SEMA3C: variants seen among roughly 807,000 people sequenced by gnomAD.
The protein encoded by SEMA3C is semaphorin-3C.
SEMA3C carries 47 observed loss-of-function variants against 89.4 expected under a neutral mutation model. The observed-to-expected ratio is 0.53, with a 90% confidence interval of 0.42 to 0.67. The LOEUF (loss-of-function observed/expected upper bound fraction) is 0.67, where lower values mean the gene tolerates loss of function less well. Ranked by LOEUF, SEMA3C falls within the 30% of genes least tolerant of loss-of-function variation. The probability of loss-of-function intolerance (pLI) is 0.00; values close to 1 mark genes in which losing one functional copy is unlikely to be tolerated. For synonymous variants in SEMA3C, 310 were observed against 320.2 expected, an observed-to-expected ratio of 0.97 and a Z score of 0.34; for missense variants, 839 against 929.1, an observed-to-expected ratio of 0.90 and a Z score of 1.26.
intron 2 of SEMA3C, among the ~76,000 whole-genome samples, chr7:80,894,632 T>A (rs1791691684): frequency 6.6e-6 from 1 of 152,220 alleles, no homozygotes. Flanking sequence ...TTTCTTTGGA[T>A]GCTAAGAGCA....
chr7:80,814,128 G>A (rs1432115322), intron 5 of SEMA3C, among the ~76,000 whole-genome samples: 2 of 135,026 alleles, frequency 1.5e-5, no homozygotes, highest in South Asian at 2.3e-4. Context: ...TCGCTCTGTC[G>A]CCCAGGCTGG....
chr7:80,762,774 C>T lies in SEMA3C; in HGVS notation c.1444-1117G>A, dbSNP rs527814650. 5.1e-4 allele frequency among the ~76,000 whole-genome samples: 77 copies of T among 152,104 alleles called. 1 individual carries two copies. The highest frequency in any genetic ancestry group is 1.6e-3 in the African/African-American group (66 of 41,474). On this transcript the variant is annotated intron_variant, in intron 13 of 17. Transcript: ENST00000265361. ...GTTGCAGTGAGCCAAGACTGTGCCA[C>T]GGCACTCCAGCCTGGGTAACAAGAG...
At chr7:80,907,066 G>GA (rs562967644) in intron 2 of SEMA3C, among the ~76,000 whole-genome samples, 102 of 152,064 alleles carry the variant, frequency 6.7e-4, no homozygotes, top group African/African-American at 2.2e-3. Flanking sequence ...AGTTTCCTCT[G>GA]AAAAAATGTA....
At chr7:80,841,784 C>A (rs1790275341) in intron 2 of SEMA3C, among the ~76,000 whole-genome samples, 1 of 152,196 alleles carries the variant, frequency 6.6e-6, no homozygotes, top group Non-Finnish European at 1.5e-5. Context: ...TACCATAAAA[C>A]CTCAAATTTA....
chr7:80,780,152 C>T (rs969989725), intron 12 of SEMA3C, among the ~76,000 whole-genome samples: 3 of 152,164 alleles, frequency 2.0e-5, no homozygotes, highest in Admixed American at 2.0e-4. Context: ...ACTTGTTATA[C>T]AGCAATAGAA....
chr7:80,745,438 C>T lies in SEMA3C; in HGVS notation c.1843-131G>A. 3 of 852,910 alleles carry T rather than the reference C, an allele frequency of 3.5e-6. No homozygotes were observed. The East Asian group carries it at 8.0e-5, about 23-fold the overall frequency. 52.8% of individuals were successfully genotyped at this position (852,910 alleles called of 1,614,324 possible). ...GTATTGAGCACTACTTAGCATCCTTCTCAGTGGACATGAAATTTTGGTCAG... is the reference window on the plus strand; with the variant it reads ...GTATTGAGCACTACTTAGCATCCTTTTCAGTGGACATGAAATTTTGGTCAG... On this transcript the variant is annotated intron_variant, in intron 17 of 17. Coordinates refer to ENST00000265361, the MANE Select transcript of SEMA3C (RefSeq NM_006379.5).
chr7:80,746,443 A>T (rs945099256), intron 17 of SEMA3C, among the ~76,000 whole-genome samples: 1 of 152,072 alleles, frequency 6.6e-6, no homozygotes, highest in African/African-American at 2.4e-5. Context: ...TAAAGAAAGA[A>T]GAAATTTTAT....
At chr7:80,853,963 G>A (rs1790576277) in intron 2 of SEMA3C, among the ~76,000 whole-genome samples, 1 of 150,824 alleles carries the variant, frequency 6.6e-6, no homozygotes, top group Admixed American at 6.6e-5. Context: ...TAAAAAAAAT[G>A]TAAAAAGGAG....
intron 2 of SEMA3C, among the ~76,000 whole-genome samples, chr7:80,886,267 A>G (rs1231200193): frequency 6.6e-6 from 1 of 152,148 alleles, no homozygotes; most frequent in East Asian, 1.9e-4. Context: ...TTGGTATAAT[A>G]AATATATACC....
chr7:80,865,058 A>G (rs1790893399), intron 2 of SEMA3C, among the ~76,000 whole-genome samples: 1 of 152,148 alleles, frequency 6.6e-6, no homozygotes, highest in African/African-American at 2.4e-5. Flanking sequence ...TTACTAACCA[A>G]TCTTAATCAT....
chr7:80,837,174 C>G (rs1790153301), intron 2 of SEMA3C, among the ~76,000 whole-genome samples: 1 of 152,132 alleles, frequency 6.6e-6, no homozygotes, highest in South Asian at 2.1e-4. Flanking sequence ...TCTGAATCTT[C>G]AGAATCATCT....
chr7:80,880,621 T>A (rs1791311656), intron 2 of SEMA3C, among the ~76,000 whole-genome samples: 1 of 152,142 alleles, frequency 6.6e-6, no homozygotes, highest in African/African-American at 2.4e-5. Context: ...TACGCCATAA[T>A]CTTACCCAAA....
chr7:80,907,073 T>A (rs867811987), intron 2 of SEMA3C, among the ~76,000 whole-genome samples: 14 of 152,088 alleles, frequency 9.2e-5, no homozygotes, highest in African/African-American at 3.4e-4. Context: ...TCTGAAAAAA[T>A]GTACATAATT....
At chr7:80,754,534 A>T (rs2117039729) in intron 15 of SEMA3C, among the ~76,000 whole-genome samples, 1 of 152,272 alleles carries the variant, frequency 6.6e-6, no homozygotes, top group Admixed American at 6.5e-5. Context: ...CTCATATGGG[A>T]ATTTACAAAA....
intron 2 of SEMA3C, among the ~76,000 whole-genome samples, chr7:80,898,216 A>C (rs750932453): frequency 9.9e-5 from 15 of 152,084 alleles, no homozygotes; most frequent in East Asian, 1.9e-4. Context: ...AAATACAAAA[A>C]TTAGCCAGGC....
In SEMA3C at chr7:80,745,097, C is replaced by T. The variant is rs1562854320; in HGVS notation, c.2053G>A (p.Ala685Thr). The change falls in exon 18 of 18, where the codon GCT becomes ACT. Residue 685 changes from alanine (A) to threonine (T), a missense_variant. Transcript: ENST00000265361. ...SPWTWASSVR[A>T]LPFHPKDIMG... ...ATGTCCTTCGGGTGGAAGGGTAAAG[C>T]CCTCACAGAGCTGGCCCAGGTCCAT... The T allele has an allele frequency of 1.2e-6, 2 of 1,614,016 alleles. No homozygotes were observed. The highest frequency in any genetic ancestry group is 4.5e-5 in the East Asian group (2 of 44,858).
intron 7 of SEMA3C, among the ~76,000 whole-genome samples, chr7:80,804,892 A>G (rs148550728): frequency 2.0e-5 from 3 of 152,266 alleles, no homozygotes; most frequent in African/African-American, 7.2e-5. Context: ...TAACTCTGCA[A>G]TGTTAAATGA....
chr7:80,759,795 T>G (rs1344488723), intron 14 of SEMA3C, among the ~76,000 whole-genome samples: 1 of 152,226 alleles, frequency 6.6e-6, no homozygotes, highest in Admixed American at 6.5e-5. Context: ...AGTTGAAACA[T>G]TCAAACTACA....
upstream of SEMA3C, chr7:80,922,251 ATACTTCCTCT>A (rs1792422887): frequency 7.8e-7 from 1 of 1,288,310 alleles, no homozygotes; most frequent in African/African-American, 1.5e-5. Flanking sequence ...ATAAGTTTCA[ATACTTCCTCT>A]TACCTTTTTT....
Sources: allele counts gnomAD v4.1 joint callset (sites outside exome capture counted in the v4.1 genomes callset), GRCh38; gene constraint gnomAD v4.1.1; transcripts MANE v1.5; gene names NCBI Gene and HGNC (gene_info 2026-07-23, HGNC 2026-07-21).